The following ZSWIM9 variants were observed in gnomAD, a reference collection of about 807,000 sequenced individuals.
The protein encoded by ZSWIM9 is zinc finger SWIM-type containing 9.
Under a neutral mutation model 25.0 loss-of-function variants are expected in ZSWIM9, and 11 were observed. That is an observed-to-expected ratio of 0.44 (90% CI 0.28 to 0.73). ZSWIM9 has a LOEUF of 0.73. Ranked by LOEUF, ZSWIM9 falls within the 30% of genes least tolerant of loss-of-function variation. ZSWIM9 has a pLI of 0.16. For synonymous variants in ZSWIM9, 562 were observed against 582.1 expected, an observed-to-expected ratio of 0.97 and a Z score of 0.50; for missense variants, 1,070 against 1,296.5, an observed-to-expected ratio of 0.83 and a Z score of 2.68.
At chr19:48,186,476 T>C (rs976345605) in intron 3 of ZSWIM9, 2 of 152,812 alleles carry the variant, frequency 1.3e-5, no homozygotes, top group Non-Finnish European at 2.9e-5. Flanking sequence ...AATTTTTGTA[T>C]TTTTAGTAGA....
chr19:48,187,491 TTATAA>T (rs1192001304), intron 3 of ZSWIM9, among the ~76,000 whole-genome samples: 12 of 51,192 alleles, frequency 2.3e-4, no homozygotes, highest in East Asian at 1.5e-3. Flanking sequence ...ATATATTATA[TTATAA>T]TATATTATAT....
chr19:48,190,479 C>T (rs745639403), intron 3 of ZSWIM9: 2 of 154,862 alleles, frequency 1.3e-5, no homozygotes, highest in African/African-American at 2.4e-5. Flanking sequence ...GATGGGCATT[C>T]AGCCCAACGT....
intron 1 of ZSWIM9, 79 bp from the exon 2 acceptor site, chr19:48,171,715 C>G: frequency 7.3e-7 from 1 of 1,370,442 alleles, no homozygotes; most frequent in Non-Finnish European, 9.7e-7. Flanking sequence ...ACCGACGGGG[C>G]AGGCCAAGAA....
intron 3 of ZSWIM9, among the ~76,000 whole-genome samples, chr19:48,193,685 G>A (rs899279744): frequency 5.3e-5 from 8 of 152,248 alleles, no homozygotes; most frequent in African/African-American, 1.2e-4. Context: ...AGAGCGGGAC[G>A]TGATGTTTGA....
intron 2 of ZSWIM9, among the ~76,000 whole-genome samples, chr19:48,173,584 C>T (rs919329209): frequency 2.0e-5 from 3 of 152,078 alleles, no homozygotes; most frequent in Non-Finnish European, 2.9e-5. Flanking sequence ...GCTGGGATTA[C>T]AGGCATGAGC....
rs541823265 is a variant in ZSWIM9, at chr19:48,196,416, G to T, written c.2352G>T (p.Ala784=). ...VLEGSPEWAA[A]RSEHLAAGDG... ...AAGGCAGCCCAGAATGGGCAGCGGC[G>T]AGGAGTGAACACCTGGCTGCAGGTG... Residue 784 remains alanine (A), a synonymous_variant, in exon 4 of 4, where the codon GCG becomes GCT. Transcript: ENST00000614654. 1 of 1,232,518 alleles carries T rather than the reference G, an allele frequency of 8.1e-7. No homozygotes were observed. Among genetic ancestry groups the T allele is most frequent in the South Asian group, 4.1e-5 (1 of 24,320 alleles). 76.3% of individuals were successfully genotyped at this position (1,232,518 alleles called of 1,614,324 possible).
chr19:48,180,088 C>A (rs147649765), intron 2 of ZSWIM9, among the ~76,000 whole-genome samples: 16 of 152,300 alleles, frequency 1.1e-4, no homozygotes, highest in African/African-American at 2.9e-4. Context: ...GCGATCTCGG[C>A]TCACCGCAAC....
Position 48,195,657 on chromosome 19 carries a change from G to C in ZSWIM9, c.1593G>C (p.Gln531His). ...GGAGAGGGGGTCGGTTGGAGAATCAGAAGCCGAGGGGACTGGAAGGGGGTG... is the reference window on the plus strand; with the variant it reads ...GGAGAGGGGGTCGGTTGGAGAATCACAAGCCGAGGGGACTGGAAGGGGGTG... ...RDWRGGRLENQKPRGLEGGVL... is the reference protein window; with the variant it reads ...RDWRGGRLENHKPRGLEGGVL... The change falls in exon 4 of 4, where the codon CAG (glutamine) becomes CAC (histidine). Residue 531 changes from glutamine to histidine, a missense_variant. Gln to His is a conservative substitution (Grantham distance 24). Transcript: ENST00000614654. This position sits in a 1 kb window ranked among gnomAD's most constrained non-coding sequence, Gnocchi z 5.8. 7.0e-7 allele frequency: 1 copy of C among 1,427,916 alleles called. No homozygotes were observed. Among genetic ancestry groups the C allele is most frequent in the Non-Finnish European group, 9.1e-7 (1 of 1,097,514 alleles). The allele number at this position is 1,427,916 out of a possible 1,614,324, so 88.5% of individuals were successfully genotyped here. A position where few individuals can be genotyped will look rare whatever the true frequency, so the allele number is the denominator to read the frequency against.
At chr19:48,180,060 A>G (rs1449875541) in intron 2 of ZSWIM9, among the ~76,000 whole-genome samples, 1 of 152,148 alleles carries the variant, frequency 6.6e-6, no homozygotes, top group Non-Finnish European at 1.5e-5. Context: ...CCTGTTGCCC[A>G]GGCTGGAGTG....
intron 3 of ZSWIM9, among the ~76,000 whole-genome samples, chr19:48,184,464 G>T (rs748657765): frequency 6.6e-6 from 1 of 152,096 alleles, no homozygotes; most frequent in Non-Finnish European, 1.5e-5. Flanking sequence ...TCTCCTCCTG[G>T]CTGTGCCTTT....
At chr19:48,176,808 A>T (rs1274714907) in intron 2 of ZSWIM9, among the ~76,000 whole-genome samples, 1 of 152,066 alleles carries the variant, frequency 6.6e-6, no homozygotes, top group African/African-American at 2.4e-5. Flanking sequence ...TCACACCTGT[A>T]ATCCTAGCAC....
At chr19:48,191,086 ATG>A (rs1409972670) in intron 3 of ZSWIM9, among the ~76,000 whole-genome samples, 1 of 142,548 alleles carries the variant, frequency 7.0e-6, no homozygotes, top group Non-Finnish European at 1.5e-5. Flanking sequence ...TGCAGTGTGT[ATG>A]TGTATGTGTG....
At chr19:48,187,613 T>A (rs1387559763) in intron 3 of ZSWIM9, 3 of 99,592 alleles carry the variant, frequency 3.0e-5, no homozygotes. Context: ...TATATTATAT[T>A]AATATTATAA....
intron 3 of ZSWIM9, among the ~76,000 whole-genome samples, chr19:48,185,473 G>A (rs2037000514): frequency 1.3e-5 from 2 of 152,182 alleles, no homozygotes; most frequent in African/African-American, 4.8e-5. Context: ...GAAGTTCTAG[G>A]ACAGGAGAGA....
rs1328938937 is a variant in ZSWIM9, at chr19:48,182,674, C to T, written c.495C>T (p.Arg165=). 2.6e-6 allele frequency: 4 copies of T among 1,535,794 alleles called. No individual in the cohort carries two copies. Among genetic ancestry groups the T allele is most frequent in the Non-Finnish European group, 3.5e-6 (4 of 1,146,642 alleles). The stretch of plus-strand genomic sequence containing the variant: ...AGTTCGTGGCCCCAGCCGACGTGCG[C>T]CGCCTGCTGTCCTACTGCAAGGGCC... ...SKQFVAPADV[R]RLLSYCKGRD... Residue 165 remains arginine (R), a synonymous_variant, in exon 3 of 4, where the codon CGC becomes CGT. Coordinates refer to ENST00000614654, the MANE Select transcript of ZSWIM9 (RefSeq NM_199341.4). The surrounding 1 kb of genome is among the most constrained non-coding windows in gnomAD (Gnocchi z 4.6).
At chr19:48,172,375 G>C (rs1276544468) in intron 2 of ZSWIM9, among the ~76,000 whole-genome samples, 8 of 151,382 alleles carry the variant, frequency 5.3e-5, no homozygotes, top group Non-Finnish European at 1.2e-4. Context: ...TGAGTGCAGT[G>C]GTGCCATCTG....
At chr19:48,186,690 CCT>C (rs1335993671) in intron 3 of ZSWIM9, 1 of 154,854 alleles carries the variant, frequency 6.5e-6, no homozygotes, top group Non-Finnish European at 1.5e-5. Flanking sequence ...GTCAAATCCC[CCT>C]GAGAAAACTC....
intron 3 of ZSWIM9, among the ~76,000 whole-genome samples, chr19:48,184,675 G>C (rs2036990817): frequency 6.6e-6 from 1 of 152,132 alleles, no homozygotes; most frequent in Non-Finnish European, 1.5e-5. Context: ...ACTACCCTAA[G>C]TGCTTTACAT....
chr19:48,174,362 T>G (rs2036871684), intron 2 of ZSWIM9, among the ~76,000 whole-genome samples: 1 of 151,922 alleles, frequency 6.6e-6, no homozygotes, highest in Non-Finnish European at 1.5e-5. Flanking sequence ...TACTGTGAGA[T>G]CATACATGAG....
Sources: gnomAD v4.1 joint callset for allele counts (sites outside exome capture counted in the v4.1 genomes callset) on GRCh38, gnomAD v4.1.1 for gene constraint, Gnocchi (gnomAD v3.1) non-coding constraint, MANE v1.5 for transcripts, NCBI Gene and HGNC (gene_info 2026-07-23, HGNC 2026-07-21) for gene names.